The following ETFB variants were observed in gnomAD, a reference collection of about 807,000 sequenced individuals.
ETFB encodes the protein beta-ETF.
Under a neutral mutation model 25.6 loss-of-function variants are expected in ETFB, and 20 were observed. The ratio of observed to expected loss-of-function variants is 0.78; its 90% CI spans 0.55 to 1.14. The LOEUF (loss-of-function observed/expected upper bound fraction) is 1.14. Among genes scored for constraint, ETFB ranks in the 50% most tolerant of loss-of-function variants. The probability of loss-of-function intolerance (pLI) is 0.00; values close to 1 mark genes in which losing one functional copy is unlikely to be tolerated. For missense variants in ETFB, 286 were observed against 342.6 expected, an observed-to-expected ratio of 0.83 and a Z score of 1.30; for synonymous variants, 142 against 146.7, an observed-to-expected ratio of 0.97 and a Z score of 0.23.
At chr19:51,345,563 G>T in intron 5 of ETFB, 182 bp from the exon 6 acceptor site, 1 of 662,482 alleles carries the variant, frequency 1.5e-6, no homozygotes. Flanking sequence ...AACTCCTGCT[G>T]GCTAGGAGGC....
chr19:51,360,776 C>A (rs1016492572), intron 1 of ETFB, among the ~76,000 whole-genome samples: 1 of 151,888 alleles, frequency 6.6e-6, no homozygotes, highest in Non-Finnish European at 1.5e-5. Flanking sequence ...TTCTCTCTCT[C>A]TCTCTCTCTC....
intron 4 of ETFB, among the ~76,000 whole-genome samples, chr19:51,348,859 T>A (rs1273384507): frequency 6.6e-6 from 1 of 152,246 alleles, no homozygotes; most frequent in Admixed American, 6.5e-5. Context: ...ATTTAGCACC[T>A]GAATTGAGAT....
Position 51,345,263 on chromosome 19 carries a change from AC to A in ETFB, c.715del (p.Val239TrpfsTer11), listed in dbSNP as rs761894535. 6.2e-7 allele frequency: 1 copy of A among 1,614,166 alleles called. No homozygotes were observed. Among genetic ancestry groups the A allele is most frequent in the South Asian group, 1.1e-5 (1 of 91,082 alleles). On this transcript the variant is annotated frameshift_variant, in exon 6 of 6. Transcript: ENST00000309244. LOFTEE classifies it high-confidence loss of function. ...GGCCACCAGGTCCTCAGTGGTCTCC[AC>A]CTTGACGCCGGCCGTGCGCTGGGGC... is the stretch of plus-strand genomic sequence containing the variant. ...DPPQRTAGVK[V>X]ETTEDLVAKL...
At chr19:51,349,770 A>ACGCTC (rs1277304991) in intron 4 of ETFB, among the ~76,000 whole-genome samples, 1 of 150,524 alleles carries the variant, frequency 6.6e-6, no homozygotes, top group Non-Finnish European at 1.5e-5. Flanking sequence ...TTTTTTTGAG[A>ACGCTC]CGGAGCCTCC....
chr19:51,358,905 G>A (rs138487156), intron 1 of ETFB, among the ~76,000 whole-genome samples: 3,017 of 151,916 alleles, frequency 0.02, 90 homozygotes, highest in African/African-American at 0.067. Flanking sequence ...AGGCTGAGGC[G>A]GGAGGATCAC....
At chr19:51,365,622 GACA>G (rs1438552454) in intron 1 of ETFB, 25 of 147,496 alleles carry the variant, frequency 1.7e-4, no homozygotes, top group African/African-American at 6.0e-4. Flanking sequence ...TCCCTCTGGG[GACA>G]ACAAGCCAGG....
Position 51,345,228 on chromosome 19 carries a change from C to T in ETFB, c.751G>A (p.Glu251Lys). Residue 251 changes from glutamate to lysine, a missense_variant, in exon 6 of 6, where the codon GAG (glutamate) becomes AAG (lysine). Coordinates refer to ENST00000309244, the MANE Select transcript of ETFB (RefSeq NM_001985.3). ...TTEDLVAKLK[E>K]IGRI ...GGAGGGGCTCAAATCCGCCCAATCT[C>T]CTTCAGCTTGGCCACCAGGTCCTCA... The T allele has an allele frequency of 6.8e-6, 11 of 1,614,198 alleles. No individual in the cohort carries two copies. The highest frequency in any genetic ancestry group is 9.3e-6 in the Non-Finnish European group (11 of 1,180,042).
intron 1 of ETFB, among the ~76,000 whole-genome samples, chr19:51,359,384 A>G (rs1460736621): frequency 6.6e-6 from 1 of 151,618 alleles, no homozygotes; most frequent in Non-Finnish European, 1.5e-5. Context: ...AAAACACAAC[A>G]TAGGAGTTGC....
chr19:51,366,198 C>A, intron 1 of ETFB, 72 bp downstream of exon 1: 1 of 1,449,302 alleles, frequency 6.9e-7, no homozygotes, highest in Non-Finnish European at 9.7e-7. Flanking sequence ...GACCCCCACC[C>A]AGTGTGCGCT....
intron 4 of ETFB, among the ~76,000 whole-genome samples, chr19:51,349,601 A>G (rs1985880648): frequency 6.6e-6 from 1 of 151,698 alleles, no homozygotes; most frequent in Admixed American, 6.6e-5. Flanking sequence ...ATGTGCCATC[A>G]CACCCAGCTA....
chr19:51,359,664 T>C (rs1337735263), intron 1 of ETFB, among the ~76,000 whole-genome samples: 2 of 152,160 alleles, frequency 1.3e-5, no homozygotes, highest in African/African-American at 4.8e-5. Context: ...GATTTTAAGC[T>C]TCAAAAACAG....
At chr19:51,347,520 C>T in intron 4 of ETFB, 1 of 196,648 alleles carries the variant, frequency 5.1e-6, no homozygotes, top group Non-Finnish European at 1.1e-5. Context: ...AACGGCCCCC[C>T]GTGAGGCCCC....
At chr19:51,359,941 C>G (rs1299643212) in intron 1 of ETFB, among the ~76,000 whole-genome samples, 1 of 151,880 alleles carries the variant, frequency 6.6e-6, no homozygotes, top group Non-Finnish European at 1.5e-5. Context: ...CGGCTTGAAC[C>G]CAGGAGGGTC....
intron 1 of ETFB, among the ~76,000 whole-genome samples, chr19:51,357,875 G>A (rs1986122231): frequency 6.6e-6 from 1 of 152,168 alleles, no homozygotes; most frequent in South Asian, 2.1e-4. Flanking sequence ...AGAGCTGGGT[G>A]GCTGTTTGTC....
At chr19:51,358,831 CAAAA>C (rs112821668) in intron 1 of ETFB, among the ~76,000 whole-genome samples, 4 of 134,186 alleles carry the variant, frequency 3.0e-5, no homozygotes, top group African/African-American at 1.2e-4. Context: ...CAAACAACAA[CAAAA>C]AAAAAAAAAA....
At chr19:51,355,396 C>T (rs1986054971) in intron 1 of ETFB, 1 of 152,174 alleles carries the variant, frequency 6.6e-6, no homozygotes, top group Non-Finnish European at 1.5e-5. Context: ...AATGAGATAC[C>T]GTCTCACACC....
chr19:51,360,568 C>G (rs958468203), intron 1 of ETFB, among the ~76,000 whole-genome samples: 1 of 152,174 alleles, frequency 6.6e-6, no homozygotes, highest in African/African-American at 2.4e-5. Flanking sequence ...AACTGAGGCA[C>G]AGAGAGGCCA....
chr19:51,345,636 T>A, intron 5 of ETFB: 1 of 545,854 alleles, frequency 1.8e-6, no homozygotes, highest in Non-Finnish European at 3.3e-6. Flanking sequence ...AGCCCTTCAC[T>A]GGCTGCAACA....
At chr19:51,365,917 C>A (rs1986351896) in intron 1 of ETFB, among the ~76,000 whole-genome samples, 1 of 152,230 alleles carries the variant, frequency 6.6e-6, no homozygotes, top group Non-Finnish European at 1.5e-5. Flanking sequence ...GGATAGAACT[C>A]TCGGCTCTGC....
Sources: gnomAD v4.1 joint callset for allele counts (sites outside exome capture counted in the v4.1 genomes callset) on GRCh38, gnomAD v4.1.1 for gene constraint, MANE v1.5 for transcripts, NCBI Gene and HGNC (gene_info 2026-07-23, HGNC 2026-07-21) for gene names.